The following RNLS variants were observed in gnomAD, a reference collection of about 807,000 sequenced individuals.
RNLS encodes the protein renalase, FAD dependent amine oxidase, also known as renalase.
RNLS carries 39 observed loss-of-function variants against 39.8 expected under a neutral mutation model. The observed-to-expected ratio is 0.98, with a 90% confidence interval of 0.76 to 1.28. RNLS has a LOEUF of 1.28. Ranked by LOEUF, RNLS falls within the 50% of genes most tolerant of loss-of-function variation. The pLI is 0.00. For missense variants in RNLS, 410 were observed against 413.3 expected, an observed-to-expected ratio of 0.99 and a Z score of 0.07; for synonymous variants, 147 against 150.7, an observed-to-expected ratio of 0.98 and a Z score of 0.18.
At chr10:88,523,652 A>G (rs1846896022) in intron 4 of RNLS, among the ~76,000 whole-genome samples, 1 of 152,138 alleles carries the variant, frequency 6.6e-6, no homozygotes, top group Non-Finnish European at 1.5e-5. Flanking sequence ...TCTCACTGAA[A>G]TCCAGGAAAG....
chr10:88,197,353 C>G, the RNLS span, among the ~76,000 whole-genome samples: 1 of 152,200 alleles, frequency 6.6e-6, no homozygotes, highest in East Asian at 1.9e-4. Context: ...CTTACCTCTT[C>G]TTTCCTGCCC....
intron 4 of RNLS, among the ~76,000 whole-genome samples, chr10:88,428,675 T>C (rs1453013387): frequency 2.6e-5 from 4 of 151,972 alleles, no homozygotes; most frequent in South Asian, 2.1e-4. Flanking sequence ...GTGGCTATTA[T>C]AGAACTGGGG....
the RNLS span, among the ~76,000 whole-genome samples, chr10:88,197,167 G>A: frequency 1.3e-5 from 2 of 152,208 alleles, no homozygotes; most frequent in Admixed American, 1.3e-4. Flanking sequence ...TTGTTTTTCT[G>A]AATCTCAGTT....
chr10:88,417,013 T>C (rs377707566), intron 4 of RNLS, among the ~76,000 whole-genome samples: 1 of 152,246 alleles, frequency 6.6e-6, no homozygotes, highest in African/African-American at 2.4e-5. Context: ...GCAAGGAAAG[T>C]TTCTGAATTC....
intron 5 of RNLS, among the ~76,000 whole-genome samples, chr10:88,344,795 AC>A: frequency 6.6e-6 from 1 of 152,106 alleles, no homozygotes; most frequent in Non-Finnish European, 1.5e-5. Flanking sequence ...TTCATTTTTT[AC>A]AAACATGAAT....
At chr10:88,235,137 G>A in the RNLS span, among the ~76,000 whole-genome samples, 16 of 151,830 alleles carry the variant, frequency 1.1e-4, no homozygotes, top group African/African-American at 3.1e-4. Context: ...GGGTGGTGGC[G>A]GGTGCCTGTA....
the RNLS span, among the ~76,000 whole-genome samples, chr10:88,249,561 C>G: frequency 2.6e-5 from 4 of 152,160 alleles, no homozygotes; most frequent in Non-Finnish European, 4.4e-5. Context: ...ACTCAGATGA[C>G]TCCACACCTG....
chr10:88,505,712 A>G (rs1408857034), intron 4 of RNLS, among the ~76,000 whole-genome samples: 1 of 152,160 alleles, frequency 6.6e-6, no homozygotes, highest in Non-Finnish European at 1.5e-5. Flanking sequence ...TAAATCCCAC[A>G]GATAACTCAT....
At chr10:88,526,584 G>C (rs1435728974) in intron 4 of RNLS, among the ~76,000 whole-genome samples, 1 of 151,830 alleles carries the variant, frequency 6.6e-6, no homozygotes, top group Non-Finnish European at 1.5e-5. Context: ...GCAACATAGG[G>C]AGGCCCTACC....
At chr10:88,423,065 A>G (rs1279286127) in intron 4 of RNLS, among the ~76,000 whole-genome samples, 3 of 152,160 alleles carry the variant, frequency 2.0e-5, no homozygotes, top group African/African-American at 7.2e-5. Flanking sequence ...GCTTTTATAA[A>G]GAAAACACTT....
chr10:88,233,180 A>G, the RNLS span, among the ~76,000 whole-genome samples: 1 of 152,354 alleles, frequency 6.6e-6, no homozygotes, highest in East Asian at 1.9e-4. Flanking sequence ...TCTGCAAGCA[A>G]TTAGCGAAAG....
At chr10:88,391,569 AT>A (rs1287397126) in intron 4 of RNLS, among the ~76,000 whole-genome samples, 11 of 152,144 alleles carry the variant, frequency 7.2e-5, no homozygotes, top group African/African-American at 2.7e-4. Flanking sequence ...AAACAAAAAA[AT>A]GTCTTGGTAG....
chr10:88,505,494 G>A (rs1353550359), intron 4 of RNLS, among the ~76,000 whole-genome samples: 1 of 151,222 alleles, frequency 6.6e-6, no homozygotes, highest in Admixed American at 6.6e-5. Context: ...AGAGGAGGAG[G>A]CAAGAAAGTA....
At chr10:88,526,231 A>G (rs1847092542) in intron 4 of RNLS, among the ~76,000 whole-genome samples, 1 of 151,622 alleles carries the variant, frequency 6.6e-6, no homozygotes, top group Non-Finnish European at 1.5e-5. Flanking sequence ...AGAAAAATAT[A>G]GCAAATCTTT....
At chr10:88,342,093 T>A (rs1023108891) in intron 5 of RNLS, among the ~76,000 whole-genome samples, 2 of 152,174 alleles carry the variant, frequency 1.3e-5, no homozygotes, top group Non-Finnish European at 2.9e-5. Flanking sequence ...GAAAGTAAAG[T>A]GTATCAACCT....
intron 4 of RNLS, among the ~76,000 whole-genome samples, chr10:88,546,706 A>G (rs1263454209): frequency 1.3e-5 from 2 of 152,334 alleles, no homozygotes; most frequent in South Asian, 2.1e-4. Flanking sequence ...CATGGTTCAC[A>G]AAACTTGTGT....
chr10:88,434,894 A>T (rs1855372961), intron 4 of RNLS, among the ~76,000 whole-genome samples: 2 of 152,024 alleles, frequency 1.3e-5, no homozygotes, highest in African/African-American at 4.8e-5. Flanking sequence ...AAAAGGTATT[A>T]AAAAATATTA....
chr10:88,511,163 G>A (rs990714550), intron 4 of RNLS, among the ~76,000 whole-genome samples: 1 of 151,988 alleles, frequency 6.6e-6, no homozygotes, highest in African/African-American at 2.4e-5. Flanking sequence ...CAGGCCAACC[G>A]TTGTTAGGTT....
chr10:88,352,107 G>T (rs571063074), intron 5 of RNLS, among the ~76,000 whole-genome samples: 1 of 152,334 alleles, frequency 6.6e-6, no homozygotes, highest in Admixed American at 6.5e-5. Context: ...GTGGTGAGAT[G>T]ATGGGGTTTT....
Sources: gnomAD v4.1 joint callset for allele counts (sites outside exome capture counted in the v4.1 genomes callset) on GRCh38, gnomAD v4.1.1 for gene constraint, MANE v1.5 for transcripts, NCBI Gene and HGNC (gene_info 2026-07-23, HGNC 2026-07-21) for gene names.